MYO18B: variants seen among roughly 807,000 people sequenced by gnomAD.
MYO18B encodes unconventional myosin-XVIIIb.
In MYO18B, 204 loss-of-function variants were observed where a neutral mutation model predicts 273.0. The ratio of observed to expected loss-of-function variants is 0.75; its 90% CI spans 0.67 to 0.84. The LOEUF (loss-of-function observed/expected upper bound fraction) is 0.84. MYO18B is among the 40% of genes least tolerant of loss of function. The probability of loss-of-function intolerance (pLI) is 0.00; values close to 1 mark genes in which losing one functional copy is unlikely to be tolerated. For synonymous variants in MYO18B, 1,330 were observed against 1,305.7 expected, an observed-to-expected ratio of 1.02 and a Z score of -0.40; for missense variants, 3,212 against 3,287.6, an observed-to-expected ratio of 0.98 and a Z score of 0.56.
At chr22:25,879,880 AAGGGGGAGGTGCTATAC>A in intron 25 of MYO18B, among the ~76,000 whole-genome samples, 1 of 152,210 alleles carries the variant, frequency 6.6e-6, no homozygotes, top group East Asian at 1.9e-4. Flanking sequence ...GAAGAGTGAG[AAGGGGGAGGTGCTATAC>A]ACTTTTAAAC....
At chr22:25,872,367 G>A (rs1365899773) in intron 22 of MYO18B, among the ~76,000 whole-genome samples, 2 of 152,180 alleles carry the variant, frequency 1.3e-5, no homozygotes, top group African/African-American at 2.4e-5. Flanking sequence ...GCAGCTTCAT[G>A]TTGACGGACA....
At chr22:25,957,393 G>T (rs1390242017) in intron 39 of MYO18B, among the ~76,000 whole-genome samples, 1 of 152,122 alleles carries the variant, frequency 6.6e-6, no homozygotes, top group African/African-American at 2.4e-5. Context: ...GAATCAAAAT[G>T]GACACAACAC....
the MYO18B span, among the ~76,000 whole-genome samples, chr22:26,063,710 AATGTCT>A: frequency 6.6e-6 from 1 of 152,184 alleles, no homozygotes; most frequent in South Asian, 2.1e-4. Flanking sequence ...ACTTTGCTGG[AATGTCT>A]ATGTTTTCCT....
Position 25,835,000 on chromosome 22 carries a change from A to G in MYO18B, c.3061-296A>G, listed in dbSNP as rs695423. On this transcript the variant is annotated intron_variant, in intron 16 of 43. Transcript: ENST00000335473. ...CCCACCATGGCCCTCCAAGGAAGGT[A>G]TTTTCAGTCTCCATTACACAGGAGG... 0.2 allele frequency among the ~76,000 whole-genome samples: 31,139 copies of G among 152,126 alleles called. 6,509 individuals carry two copies. The highest frequency in any genetic ancestry group is 0.53 in the African/African-American group (21,995 of 41,448).
At chr22:25,829,576 A>G (rs1357352566) in intron 15 of MYO18B, among the ~76,000 whole-genome samples, 1 of 151,478 alleles carries the variant, frequency 6.6e-6, no homozygotes, top group Non-Finnish European at 1.5e-5. Context: ...ACGGTGGCTC[A>G]TGCCTTAATC....
Position 26,012,651 on chromosome 22 carries a change from G to A in MYO18B, c.6470+7796G>A, listed in dbSNP as rs540371423. Among the ~76,000 whole-genome samples, 3 of 152,314 alleles carry A rather than the reference G, an allele frequency of 2.0e-5. No homozygotes were observed. The East Asian group carries it at 5.8e-4, about 29-fold the overall frequency. ...TCAGACAGGTATTTATAGGAAGGAA[G>A]GCTGTTTCCTGTCTAGAACTCGAGG... On this transcript the variant is annotated intron_variant, in intron 42 of 43. Transcript: ENST00000335473.
At chr22:25,784,142 G>T (rs959790615) in intron 10 of MYO18B, among the ~76,000 whole-genome samples, 5 of 152,168 alleles carry the variant, frequency 3.3e-5, no homozygotes, top group Non-Finnish European at 7.3e-5. Flanking sequence ...TGTGCTTCTG[G>T]TTCAAAAACC....
intron 25 of MYO18B, among the ~76,000 whole-genome samples, chr22:25,881,602 A>G (rs1006042256): frequency 6.6e-6 from 1 of 152,294 alleles, no homozygotes; most frequent in South Asian, 2.1e-4. Flanking sequence ...TTTGCCATGC[A>G]TCGGCTGTTG....
intron 12 of MYO18B, among the ~76,000 whole-genome samples, chr22:25,801,785 T>G (rs528938411): frequency 1.1e-4 from 17 of 152,282 alleles, no homozygotes; most frequent in Admixed American, 2.0e-4. Context: ...GGGTGAGGAC[T>G]GTTACGATGC....
chr22:25,977,464 G>A (rs1445759961), intron 39 of MYO18B, among the ~76,000 whole-genome samples: 1 of 152,154 alleles, frequency 6.6e-6, no homozygotes, highest in Non-Finnish European at 1.5e-5. Flanking sequence ...TGGGAGTAGT[G>A]GTTGTATCTC....
Position 25,780,132 on chromosome 22 carries a change from C to T in MYO18B, c.2145C>T (p.Thr715=). ...SVSMAHSRSA[T]RFSMVMSLDF... ...CCATGGCCCACAGCCGCAGTGCCACCCGGTTCTCCATGGTGATGTCGCTGG... is the reference window on the plus strand; with the variant it reads ...CCATGGCCCACAGCCGCAGTGCCACTCGGTTCTCCATGGTGATGTCGCTGG... Residue 715 remains threonine, a synonymous_variant, in exon 9 of 44, where the codon ACC becomes ACT. Coordinates refer to ENST00000335473, the MANE Select transcript of MYO18B (RefSeq NM_032608.7). The T allele has an allele frequency of 6.2e-7, 1 of 1,605,534 alleles. No homozygotes were observed. The highest frequency in any genetic ancestry group is 1.1e-5 in the South Asian group (1 of 89,012).
intron 11 of MYO18B, among the ~76,000 whole-genome samples, chr22:25,795,518 A>T (rs546152886): frequency 6.6e-6 from 1 of 152,326 alleles, no homozygotes; most frequent in South Asian, 2.1e-4. Context: ...TCAAATGCTC[A>T]TAGGCCACAG....
intron 39 of MYO18B, among the ~76,000 whole-genome samples, chr22:25,960,773 C>T (rs1224278006): frequency 6.6e-6 from 1 of 152,226 alleles, no homozygotes; most frequent in African/African-American, 2.4e-5. Flanking sequence ...CTTGTCTCCC[C>T]ACTTTCCCTT....
At chr22:26,003,421 C>A in intron 41 of MYO18B, 112 bp downstream of exon 41, 1 of 905,108 alleles carries the variant, frequency 1.1e-6, no homozygotes, top group Non-Finnish European at 1.8e-6. Context: ...TCAGTGATGC[C>A]CATGAGACTA....
chr22:25,861,225 G>T (rs2090725513), intron 21 of MYO18B, among the ~76,000 whole-genome samples: 1 of 152,050 alleles, frequency 6.6e-6, no homozygotes, highest in African/African-American at 2.4e-5. Context: ...AAATTATTGA[G>T]AGTCAGGTAT....
At chr22:25,952,208 C>G in intron 37 of MYO18B, 78 bp from the exon 38 acceptor site, 1 of 1,515,050 alleles carries the variant, frequency 6.6e-7, no homozygotes, top group African/African-American at 1.4e-5. Context: ...TCCCACCCTC[C>G]CAGGCTGGGT....
At chr22:25,749,051 C>A (rs556352936) in intron 1 of MYO18B, among the ~76,000 whole-genome samples, 1 of 152,212 alleles carries the variant, frequency 6.6e-6, no homozygotes, top group South Asian at 2.1e-4. Context: ...ACAATCAGAG[C>A]ACCCTTCTTC....
At chr22:25,792,628 G>T (rs2087729607) in intron 11 of MYO18B, among the ~76,000 whole-genome samples, 2 of 151,576 alleles carry the variant, frequency 1.3e-5, no homozygotes, top group South Asian at 4.2e-4. Context: ...CCTAGGAGCT[G>T]GGACTATAGG....
intron 25 of MYO18B, among the ~76,000 whole-genome samples, chr22:25,882,910 T>C (rs1031587790): frequency 1.3e-5 from 2 of 152,168 alleles, no homozygotes; most frequent in African/African-American, 4.8e-5. Flanking sequence ...TTATTTTTAT[T>C]TTTTGAGACA....
Sources: allele counts gnomAD v4.1 joint callset (sites outside exome capture counted in the v4.1 genomes callset), GRCh38; gene constraint gnomAD v4.1.1; transcripts MANE v1.5; gene names NCBI Gene and HGNC (gene_info 2026-07-23, HGNC 2026-07-21).